Variants in SMYD1 observed in about 807,000 individuals in gnomAD.
SMYD1 encodes SET and MYND domain containing 1, also known as histone-lysine N-methyltransferase SMYD1.
Under a neutral mutation model 54.0 loss-of-function variants are expected in SMYD1, and 49 were observed. That is an observed-to-expected ratio of 0.91 (90% CI 0.72 to 1.15). The LOEUF (loss-of-function observed/expected upper bound fraction) is 1.15. Ranked by LOEUF, SMYD1 falls within the 50% of genes most tolerant of loss-of-function variation. The pLI is 0.00. For synonymous variants in SMYD1, 269 were observed against 234.2 expected (o/e 1.15, Z -1.36); for missense variants, 653 against 639.6 (o/e 1.02, Z -0.23).
chr2:88,073,045 A>G (rs977241711), intron 1 of SMYD1, among the ~76,000 whole-genome samples: 9 of 152,118 alleles, frequency 5.9e-5, no homozygotes, highest in African/African-American at 1.9e-4. Context: ...TAGCTTTTCA[A>G]TTCTTCACCC....
chr2:88,108,464 C>T lies in SMYD1; in HGVS notation c.1239C>T (p.His413=), dbSNP rs761349907. The change falls in exon 9 of 10, where the codon CAC becomes CAT. Residue 413 remains histidine (H), a synonymous_variant. Transcript: ENST00000419482. ...NWHAGNIEVG[H]GMICKAYAIL... ...ATGCTGGTAACATTGAGGTGGGGCA[C>T]GGGATGATCTGCAAAGCCTATGCCA... 4.1e-5 allele frequency: 66 copies of T among 1,612,534 alleles called. No individual in the cohort carries two copies. The highest frequency in any genetic ancestry group is 1.6e-4 in the Middle Eastern group (1 of 6,082).
chr2:88,083,480 A>T (rs1318524692), intron 1 of SMYD1, among the ~76,000 whole-genome samples: 1 of 152,060 alleles, frequency 6.6e-6, no homozygotes, highest in Non-Finnish European at 1.5e-5. Flanking sequence ...TCGAATGGGC[A>T]TGCATTTTCC....
At chr2:88,078,566 G>T (rs1167319853) in intron 1 of SMYD1, among the ~76,000 whole-genome samples, 1 of 151,458 alleles carries the variant, frequency 6.6e-6, no homozygotes, top group Non-Finnish European at 1.5e-5. Context: ...CCGATGAGGG[G>T]AGATGGGAAC....
At chr2:88,079,825 G>GA (rs1481803737) in intron 1 of SMYD1, among the ~76,000 whole-genome samples, 1 of 151,684 alleles carries the variant, frequency 6.6e-6, no homozygotes, top group Non-Finnish European at 1.5e-5. Context: ...CATCTCAAAA[G>GA]AAAAAACAAA....
chr2:88,082,152 T>G (rs1674212946), intron 1 of SMYD1, among the ~76,000 whole-genome samples: 1 of 152,110 alleles, frequency 6.6e-6, no homozygotes, highest in Non-Finnish European at 1.5e-5. Flanking sequence ...GCACCCTCTG[T>G]GGCCTAGTTA....
At chr2:88,088,193 C>A in intron 3 of SMYD1, 118 bp downstream of exon 3, 1 of 1,131,108 alleles carries the variant, frequency 8.8e-7, no homozygotes, top group Non-Finnish European at 1.2e-6. Flanking sequence ...GCCCTGTCTG[C>A]CCTGGACCCT....
At chr2:88,084,291 A>G in intron 1 of SMYD1, 25 bp from the exon 2 acceptor site, 3 of 1,547,202 alleles carry the variant, frequency 1.9e-6, no homozygotes, top group Non-Finnish European at 2.7e-6. Context: ...GCTCCCAATC[A>G]TGTGTCTTCT....
chr2:88,071,793 TG>T (rs1673951564), intron 1 of SMYD1, among the ~76,000 whole-genome samples: 1 of 151,918 alleles, frequency 6.6e-6, no homozygotes, highest in African/African-American at 2.4e-5. Flanking sequence ...GATGCACGAG[TG>T]GGTAAAAGTT....
rs1270829254 is a variant in SMYD1 at position 88,105,179 on chromosome 2, T to C, written c.982-1146T>C. Reference sequence around the variant, plus strand: ...AGTGAGTGGAGAATCACAGGAATGGTGGTGAAGCTGCGGCTCAACTGCTTG... The same window carrying C: ...AGTGAGTGGAGAATCACAGGAATGGCGGTGAAGCTGCGGCTCAACTGCTTG... On this transcript the variant is annotated intron_variant, in intron 7 of 9. Transcript: ENST00000419482. Among the ~76,000 whole-genome samples, 5 of 152,178 alleles carry C rather than the reference T, an allele frequency of 3.3e-5. No homozygotes were observed. In the South Asian group the frequency reaches 6.2e-4, roughly 19 times the overall value.
Position 88,112,500 on chromosome 2 carries a change from T to G in SMYD1, c.*1988T>G, listed in dbSNP as rs1289393193. Reference sequence around the variant, plus strand: ...CTCCATCCTGGATCCTTGACATTTGTCACCCCACTGGCCTTCTCAGGTGCA... The same window carrying G: ...CTCCATCCTGGATCCTTGACATTTGGCACCCCACTGGCCTTCTCAGGTGCA... On this transcript the variant is annotated 3_prime_UTR_variant, in exon 10 of 10. Coordinates refer to ENST00000419482, the MANE Select transcript of SMYD1 (RefSeq NM_198274.4). The G allele has an allele frequency of 3.9e-6, 1 of 253,590 alleles. No individual in the cohort carries two copies. The highest frequency in any genetic ancestry group is 7.7e-5 in the East Asian group (1 of 12,920). The allele number at this position is 253,590 out of a possible 1,614,324, so 15.7% of individuals were successfully genotyped here.
chr2:88,095,509 A>G (rs1005134032), intron 5 of SMYD1, among the ~76,000 whole-genome samples: 1 of 152,156 alleles, frequency 6.6e-6, no homozygotes, highest in African/African-American at 2.4e-5. Context: ...GACTCTTCTC[A>G]GGTGCTGGAG....
At chr2:88,094,978 C>A (rs921292040) in intron 5 of SMYD1, among the ~76,000 whole-genome samples, 22 of 152,216 alleles carry the variant, frequency 1.4e-4, no homozygotes, top group African/African-American at 4.8e-4. Context: ...GCATTGAAGA[C>A]CCAGGAAGCA....
intron 5 of SMYD1, among the ~76,000 whole-genome samples, chr2:88,095,309 C>T (rs979528335): frequency 6.6e-6 from 1 of 152,320 alleles, no homozygotes; most frequent in Non-Finnish European, 1.5e-5. Flanking sequence ...TTCAGTTTTG[C>T]AGGCTCCACA....
intron 9 of SMYD1, among the ~76,000 whole-genome samples, chr2:88,109,553 G>A (rs1193574625): frequency 6.6e-6 from 1 of 152,138 alleles, no homozygotes; most frequent in South Asian, 2.1e-4. Flanking sequence ...TGAAAAGCTG[G>A]TTTATTTGAG....
intron 7 of SMYD1, 58 bp downstream of exon 7, chr2:88,103,208 A>G: frequency 7.7e-7 from 1 of 1,296,856 alleles, no homozygotes; most frequent in South Asian, 1.2e-5. Context: ...AACATTCTCC[A>G]GTAAGGGAGG....
At chr2:88,077,899 A>G (rs562425745) in intron 1 of SMYD1, among the ~76,000 whole-genome samples, 2 of 151,860 alleles carry the variant, frequency 1.3e-5, no homozygotes, top group South Asian at 4.2e-4. Flanking sequence ...AATTTTTTGT[A>G]TTTTTAGTAG....
chr2:88,112,391 T>C lies in SMYD1; in HGVS notation c.*1879T>C, dbSNP rs1675048250. 18 of 518,184 alleles carry C rather than the reference T, an allele frequency of 3.5e-5. 1 individual carries two copies. In the South Asian group the frequency reaches 4.6e-4, roughly 13 times the overall value. The allele number at this position is 518,184 out of a possible 1,614,324, so 32.1% of individuals were successfully genotyped here. A position where few individuals can be genotyped will look rare whatever the true frequency, so the allele number is the denominator to read the frequency against. Reference sequence around the variant, plus strand: ...CTCCTTCCCTCTCAGACCACTGGAATGCAAGTCCTTCTTCCCTTTGGAATG... The same window carrying C: ...CTCCTTCCCTCTCAGACCACTGGAACGCAAGTCCTTCTTCCCTTTGGAATG... On this transcript the variant is annotated 3_prime_UTR_variant, in exon 10 of 10. Coordinates refer to ENST00000419482, the MANE Select transcript of SMYD1 (RefSeq NM_198274.4).
intron 1 of SMYD1, among the ~76,000 whole-genome samples, chr2:88,076,084 T>C (rs1353632987): frequency 6.6e-6 from 1 of 152,184 alleles, no homozygotes; most frequent in African/African-American, 2.4e-5. Flanking sequence ...CCTACCTCAG[T>C]TGAAGTAGTC....
chr2:88,110,256 A>C, intron 9 of SMYD1, 98 bp from the exon 10 acceptor site: 1 of 1,295,550 alleles, frequency 7.7e-7, no homozygotes. Flanking sequence ...GTAGAGTTGA[A>C]TCTCCGTGGC....
Sources: gnomAD v4.1 joint callset for allele counts (sites outside exome capture counted in the v4.1 genomes callset) on GRCh38, gnomAD v4.1.1 for gene constraint, MANE v1.5 for transcripts, NCBI Gene and HGNC (gene_info 2026-07-23, HGNC 2026-07-21) for gene names.